Variants in NXPE4 observed in about 807,000 individuals in gnomAD.
NXPE4 encodes the protein neurexophilin and PC-esterase domain family member 4, also known as NXPE family member 4.
A neutral mutation model predicts 33.3 loss-of-function variants in NXPE4; 42 were observed. That is an observed-to-expected ratio of 1.26 (90% CI 0.98 to 1.63). The LOEUF (loss-of-function observed/expected upper bound fraction) is 1.63. Ranked by LOEUF, NXPE4 falls within the 40% of genes most tolerant of loss-of-function variation. The pLI is 0.00. For missense variants in NXPE4, 709 were observed against 647.6 expected, an observed-to-expected ratio of 1.09 and a Z score of -1.03; for synonymous variants, 253 against 234.9, an observed-to-expected ratio of 1.08 and a Z score of -0.71.
chr11:114,638,586 C>A, the NXPE4 span, among the ~76,000 whole-genome samples: 1 of 152,062 alleles, frequency 6.6e-6, no homozygotes, highest in Non-Finnish European at 1.5e-5. Flanking sequence ...TTTTCCCCAT[C>A]TTTGTGGTTT....
the NXPE4 span, among the ~76,000 whole-genome samples, chr11:114,625,063 AT>A: frequency 7.0e-6 from 1 of 143,508 alleles, no homozygotes; most frequent in Non-Finnish European, 1.5e-5. Context: ...TGGATGATAA[AT>A]ATTGCCCCGT....
chr11:114,628,841 T>C, the NXPE4 span, among the ~76,000 whole-genome samples: 1 of 151,518 alleles, frequency 6.6e-6, no homozygotes, highest in Admixed American at 6.6e-5. Context: ...AAAGGGGATA[T>C]CACCACCGAT....
chr11:114,582,322 A>G lies in NXPE4; in HGVS notation c.796T>C (p.Tyr266His), dbSNP rs773471773. Residue 266 changes from tyrosine to histidine, a missense_variant, in exon 3 of 6, where the codon TAT becomes CAT. Tyr to His is a moderately conservative substitution (Grantham distance 83, BLOSUM62 2). Coordinates refer to ENST00000375478, the MANE Select transcript of NXPE4 (RefSeq NM_001077639.2). ...AGGCTCTTTTCTTGTTTGCTAAGAT[A>G]AGAAACTTTCTTGTTCTTAGAATAC... ...HMYSKNKKVS[Y>H]LSKQEKSLFE... 1.3e-6 allele frequency: 2 copies of G among 1,594,030 alleles called. No homozygotes were observed. The highest frequency in any genetic ancestry group is 2.7e-5 in the African/African-American group (2 of 73,900).
At chr11:114,654,875 A>G in the NXPE4 span, among the ~76,000 whole-genome samples, 5 of 152,304 alleles carry the variant, frequency 3.3e-5, no homozygotes, top group Non-Finnish European at 5.9e-5. Flanking sequence ...TTCTGGTTCT[A>G]GATCCTTGAG....
the NXPE4 span, among the ~76,000 whole-genome samples, chr11:114,620,167 G>GATCTACCATGAGGTAGATGATA: frequency 6.6e-6 from 1 of 151,746 alleles, no homozygotes; most frequent in Non-Finnish European, 1.5e-5. Flanking sequence ...GATAAATATT[G>GATCTACCATGAGGTAGATGATA]CCTCATGGGT....
chr11:114,629,998 A>T, the NXPE4 span, among the ~76,000 whole-genome samples: 1 of 150,726 alleles, frequency 6.6e-6, no homozygotes, highest in Admixed American at 6.6e-5. Flanking sequence ...AGAACTACAA[A>T]CCACTGCTCA....
the NXPE4 span, among the ~76,000 whole-genome samples, chr11:114,615,579 C>CCAGTGTAGTAAG: frequency 4.6e-5 from 7 of 150,974 alleles, no homozygotes; most frequent in African/African-American, 1.7e-4. Flanking sequence ...CCACCTTTAC[C>CCAGTGTAGTAAG]TGGTGAATAA....
chr11:114,659,459 GAA>G, the NXPE4 span, among the ~76,000 whole-genome samples: 1 of 145,616 alleles, frequency 6.9e-6, no homozygotes, highest in Non-Finnish European at 1.5e-5. Flanking sequence ...AAAGAGTGAA[GAA>G]AAAAAAAACA....
intron 5 of NXPE4, among the ~76,000 whole-genome samples, chr11:114,572,268 A>G (rs1210707057): frequency 6.6e-6 from 1 of 152,148 alleles, no homozygotes; most frequent in East Asian, 1.9e-4. Flanking sequence ...CAAAATGAGA[A>G]GAAACCCCAA....
At chr11:114,611,786 A>T in the NXPE4 span, among the ~76,000 whole-genome samples, 9 of 152,030 alleles carry the variant, frequency 5.9e-5, no homozygotes, top group African/African-American at 2.2e-4. Flanking sequence ...TACCCGGTGG[A>T]TAATAAGTGT....
the NXPE4 span, among the ~76,000 whole-genome samples, chr11:114,611,756 G>T: frequency 6.6e-6 from 1 of 151,600 alleles, no homozygotes. Flanking sequence ...ACTAAGTATT[G>T]CCTCATGGGT....
the NXPE4 span, among the ~76,000 whole-genome samples, chr11:114,632,800 A>AT: frequency 4.4e-5 from 1 of 22,930 alleles, no homozygotes; most frequent in Admixed American, 9.0e-4. Flanking sequence ...ATAATTATAT[A>AT]TAATTATATA....
At chr11:114,580,068 C>A in intron 5 of NXPE4, 64 bp downstream of exon 5, 1 of 1,343,756 alleles carries the variant, frequency 7.4e-7, no homozygotes, top group East Asian at 2.3e-5. Context: ...ATTCCCTTCT[C>A]CCCTTTGAAA....
At chr11:114,657,843 A>G in the NXPE4 span, among the ~76,000 whole-genome samples, 17 of 152,274 alleles carry the variant, frequency 1.1e-4, 1 homozygote, top group East Asian at 3.3e-3. Context: ...TCCAGCCCCA[A>G]TTTTACAGAC....
chr11:114,593,999 G>A (rs1047120459), intron 2 of NXPE4, among the ~76,000 whole-genome samples: 2 of 152,084 alleles, frequency 1.3e-5, no homozygotes, highest in African/African-American at 4.8e-5. Context: ...GAGTTAGAGA[G>A]TAGAATGATG....
chr11:114,631,712 C>T, the NXPE4 span, among the ~76,000 whole-genome samples: 1 of 151,434 alleles, frequency 6.6e-6, no homozygotes, highest in Non-Finnish European at 1.5e-5. Context: ...CCACTGTTAC[C>T]CGGTGGGTAA....
the NXPE4 span, among the ~76,000 whole-genome samples, chr11:114,646,717 T>C: frequency 0.071 from 10,816 of 152,248 alleles, 426 homozygotes; most frequent in Non-Finnish European, 0.094. Flanking sequence ...CCTGCCAAGA[T>C]AGTTTCTCTT....
At chr11:114,658,576 T>C in the NXPE4 span, among the ~76,000 whole-genome samples, 1 of 152,094 alleles carries the variant, frequency 6.6e-6, no homozygotes, top group Non-Finnish European at 1.5e-5. Flanking sequence ...ACTAAAGTGT[T>C]ATGCTACTGG....
chr11:114,664,476 C>A, the NXPE4 span, among the ~76,000 whole-genome samples: 75 of 152,214 alleles, frequency 4.9e-4, no homozygotes, highest in Admixed American at 2.2e-3. Context: ...TTTTACTTCA[C>A]GTAAATTGCA....
Sources: gnomAD v4.1 joint callset for allele counts (sites outside exome capture counted in the v4.1 genomes callset) on GRCh38, gnomAD v4.1.1 for gene constraint, MANE v1.5 for transcripts, NCBI Gene and HGNC (gene_info 2026-07-23, HGNC 2026-07-21) for gene names.